The following HUNK variants were observed in gnomAD, a reference collection of about 807,000 sequenced individuals.
HUNK encodes hormonally up-regulated neu tumor-associated kinase.
A neutral mutation model predicts 61.0 loss-of-function variants in HUNK; 21 were observed. The ratio of observed to expected loss-of-function variants is 0.34; its 90% CI spans 0.24 to 0.50. The LOEUF is 0.50. Among genes scored for constraint, HUNK ranks in the 20% least tolerant of loss-of-function variants. The pLI, the probability that HUNK is intolerant of heterozygous loss-of-function variation, is 0.98. For missense variants in HUNK, 772 were observed against 945.7 expected (o/e 0.82, Z 2.41); for synonymous variants, 371 against 386.1 (o/e 0.96, Z 0.46).
chr21:31,998,738 C>A lies in HUNK; in HGVS notation c.1699C>A (p.Arg567Ser). 1 of 1,614,090 alleles carries A rather than the reference C, an allele frequency of 6.2e-7. No homozygotes were observed. The change falls in exon 11 of 11, where the codon CGC becomes AGC. Residue 567 changes from arginine (R) to serine (S), a missense_variant. By Grantham distance (110) the Arg-to-Ser change is moderately radical (BLOSUM62 -1). Transcript: ENST00000270112. The part of the protein sequence containing the change: ...DMVRSFESVD[R>S]DDHVEVLSPS... ...GGTGCGCTCCTTCGAGTCTGTGGAT[C>A]GCGACGACCACGTAGAAGTGCTGTC...
chr21:31,939,698 G>A (rs1441127693), intron 2 of HUNK, among the ~76,000 whole-genome samples: 1 of 149,454 alleles, frequency 6.7e-6, no homozygotes, highest in African/African-American at 2.5e-5. Flanking sequence ...GTGAGCCACC[G>A]TGCCCGGCCT....
At chr21:31,968,442 C>G in intron 6 of HUNK, 57 bp downstream of exon 6, 1 of 1,601,266 alleles carries the variant, frequency 6.2e-7, no homozygotes, top group Non-Finnish European at 8.5e-7. Context: ...TCCTACTAGC[C>G]CTGAGCAGTT....
chr21:31,923,091 T>C (rs150014893), intron 1 of HUNK, among the ~76,000 whole-genome samples: 43 of 152,166 alleles, frequency 2.8e-4, no homozygotes, highest in African/African-American at 1.0e-3. Flanking sequence ...GAAGAAGACA[T>C]TGACATCATG....
intron 1 of HUNK, among the ~76,000 whole-genome samples, chr21:31,915,688 C>T (rs1398810914): frequency 2.0e-5 from 3 of 152,172 alleles, no homozygotes; most frequent in Non-Finnish European, 2.9e-5. Flanking sequence ...AAGGGTGATA[C>T]AGGAGGAAGG....
intron 1 of HUNK, among the ~76,000 whole-genome samples, chr21:31,894,124 C>A (rs1297904203): frequency 4.6e-5 from 7 of 152,154 alleles, no homozygotes; most frequent in Admixed American, 4.6e-4. Flanking sequence ...GCCTGTGGGA[C>A]AGGAATGCTT....
At chr21:31,966,587 G>A (rs1228035872) in intron 5 of HUNK, among the ~76,000 whole-genome samples, 1 of 152,090 alleles carries the variant, frequency 6.6e-6, no homozygotes, top group Non-Finnish European at 1.5e-5. Flanking sequence ...GTTGATTCTG[G>A]CATCACAACT....
chr21:31,880,635 G>T (rs183457491), intron 1 of HUNK, among the ~76,000 whole-genome samples: 1 of 152,158 alleles, frequency 6.6e-6, no homozygotes, highest in Non-Finnish European at 1.5e-5. Context: ...CCCTAATCCA[G>T]TGTTGCCTCA....
At chr21:31,901,487 C>T (rs559911945) in intron 1 of HUNK, among the ~76,000 whole-genome samples, 3 of 152,288 alleles carry the variant, frequency 2.0e-5, no homozygotes, top group East Asian at 3.9e-4. Flanking sequence ...TGAGCTTGGG[C>T]TGAGCAGGCA....
At chr21:31,964,726 G>A (rs1433021836) in intron 5 of HUNK, among the ~76,000 whole-genome samples, 1 of 152,216 alleles carries the variant, frequency 6.6e-6, no homozygotes, top group Non-Finnish European at 1.5e-5. Flanking sequence ...GTAATGCAAT[G>A]TCTGTGACGT....
At position 31,940,714 on chromosome 21, in the gene HUNK, G is replaced by A. The variant is rs148816069; in HGVS notation, c.610+494G>A. On this transcript the variant is annotated intron_variant, in intron 3 of 10. Coordinates refer to ENST00000270112, the MANE Select transcript of HUNK (RefSeq NM_014586.2). ...CAATCAGAAGGAAGCTACAAGATGG[G>A]GCATCATAATTGGTTCATAATTCAT... is the stretch of plus-strand genomic sequence containing the variant. Among the ~76,000 whole-genome samples the A allele has an allele frequency of 1.6e-4, 25 of 152,172 alleles. 1 individual carries two copies. The East Asian group carries it at 4.6e-3, about 28-fold the overall frequency.
chr21:31,903,445 G>C (rs550962622), intron 1 of HUNK, among the ~76,000 whole-genome samples: 1 of 151,708 alleles, frequency 6.6e-6, no homozygotes, highest in Admixed American at 6.6e-5. Flanking sequence ...AAAAATGTTC[G>C]CTAGGTACTA....
intron 1 of HUNK, among the ~76,000 whole-genome samples, chr21:31,884,592 C>CA (rs71320207): frequency 0.29 from 43,254 of 146,822 alleles, 6,611 homozygotes; most frequent in Middle Eastern, 0.48. Context: ...AACTCTGTCT[C>CA]AAAAAAAAAA....
At chr21:31,994,958 G>C (rs1284980138) in intron 9 of HUNK, among the ~76,000 whole-genome samples, 1 of 152,134 alleles carries the variant, frequency 6.6e-6, no homozygotes, top group African/African-American at 2.4e-5. Context: ...TTCAAAACCA[G>C]CCTGGATAAC....
intron 7 of HUNK, among the ~76,000 whole-genome samples, chr21:31,976,749 G>A (rs2053052602): frequency 6.7e-6 from 1 of 150,202 alleles, no homozygotes; most frequent in Non-Finnish European, 1.5e-5. Flanking sequence ...TTATAGGCGT[G>A]AGCCAAAGCA....
chr21:31,920,833 T>C (rs756422340), intron 1 of HUNK, among the ~76,000 whole-genome samples: 17 of 152,040 alleles, frequency 1.1e-4, no homozygotes, highest in Middle Eastern at 3.2e-3. Flanking sequence ...CATCTTTGGA[T>C]TAAGGGCCTG....
intron 2 of HUNK, among the ~76,000 whole-genome samples, chr21:31,937,698 A>G (rs1450287545): frequency 2.0e-5 from 3 of 152,236 alleles, no homozygotes; most frequent in Non-Finnish European, 4.4e-5. Flanking sequence ...CTTTTAATGT[A>G]TGGTCTTAAA....
chr21:31,912,650 T>A (rs1470712393), intron 1 of HUNK, among the ~76,000 whole-genome samples: 1 of 152,120 alleles, frequency 6.6e-6, no homozygotes, highest in African/African-American at 2.4e-5. Context: ...CAAGCCCTTT[T>A]CCCACGTCAG....
At chr21:31,998,481 C>G in intron 10 of HUNK, 45 bp from the exon 11 acceptor site, 1 of 1,507,004 alleles carries the variant, frequency 6.6e-7, no homozygotes, top group Admixed American at 2.1e-5. Flanking sequence ...GCCGTGAGCA[C>G]TGTCCGGACG....
At chr21:31,939,846 C>T (rs1351452994) in intron 2 of HUNK, among the ~76,000 whole-genome samples, 1 of 151,026 alleles carries the variant, frequency 6.6e-6, no homozygotes, top group Non-Finnish European at 1.5e-5. Flanking sequence ...GTGATGTGTT[C>T]CTCTCTCCCC....
Sources: gnomAD v4.1 joint callset for allele counts (sites outside exome capture counted in the v4.1 genomes callset) on GRCh38, gnomAD v4.1.1 for gene constraint, MANE v1.5 for transcripts, NCBI Gene and HGNC (gene_info 2026-07-23, HGNC 2026-07-21) for gene names.